Variants in GGTA1 observed in about 807,000 individuals in gnomAD.
GGTA1 encodes inactive N-acetyllactosaminide alpha-1,3-galactosyltransferase.
A neutral mutation model predicts 2.6 loss-of-function variants in GGTA1; 5 were observed. The ratio of observed to expected loss-of-function variants is 1.92; its 90% confidence interval spans 1.00 to 4.04. The LOEUF is 4.04. Among genes scored for constraint, GGTA1 ranks in the 30% most tolerant of loss-of-function variants. GGTA1 has a pLI of 0.00. For missense variants in GGTA1, 50 were observed against 16.7 expected, an observed-to-expected ratio of 2.99 and a Z score of -3.47; for synonymous variants, 17 against 5.0, an observed-to-expected ratio of 3.38 and a Z score of -3.19.
At chr9:121,463,176 A>C (rs1589329438) in intron 3 of GGTA1, 117 bp downstream of exon 3, 1 of 424,880 alleles carries the variant, frequency 2.4e-6, no homozygotes, top group African/African-American at 2.1e-5. Context: ...CCACCCACCC[A>C]CCCCTCCGAC....
chr9:121,492,705 C>G (rs28478469), intron 1 of GGTA1, among the ~76,000 whole-genome samples: 1 of 151,480 alleles, frequency 6.6e-6, no homozygotes, highest in Non-Finnish European at 1.5e-5. Context: ...AACTCCCTAC[C>G]TCAGGTGATC....
intron 1 of GGTA1, among the ~76,000 whole-genome samples, chr9:121,498,747 G>A (rs372867441): frequency 1.3e-5 from 2 of 152,136 alleles, no homozygotes; most frequent in Non-Finnish European, 2.9e-5. Flanking sequence ...CTCGGGTCTC[G>A]GTTCCTTCCT....
chr9:121,453,029 G>A (rs2064886234), downstream of GGTA1, among the ~76,000 whole-genome samples: 1 of 152,212 alleles, frequency 6.6e-6, no homozygotes, highest in African/African-American at 2.4e-5. Context: ...CTTGATAAAG[G>A]CGGATGAGAG....
At chr9:121,485,465 G>A (rs1041394785) in intron 1 of GGTA1, among the ~76,000 whole-genome samples, 1 of 152,238 alleles carries the variant, frequency 6.6e-6, no homozygotes, top group Non-Finnish European at 1.5e-5. Flanking sequence ...GTTGTCACGT[G>A]TAAAGTGTCT....
At chr9:121,449,103 A>G (rs1452563261) in intron 7 of GGTA1, among the ~76,000 whole-genome samples, 1 of 152,236 alleles carries the variant, frequency 6.6e-6, no homozygotes, top group Non-Finnish European at 1.5e-5. Flanking sequence ...ACTTAGTAAC[A>G]TATCTTTTCA....
rs1314405203 is a variant in GGTA1, at chr9:121,468,256, G to A, written c.-9-325C>T. ...CATAGTTCACCTCCCACTTACGAGT[G>A]AGAACATGCGGTGTTTGGTTTTCTG... On this transcript the variant is annotated intron_variant, in intron 1 of 5. Transcript: ENST00000481799. 2.6e-5 allele frequency among the ~76,000 whole-genome samples: 4 copies of A among 152,150 alleles called. No individual in the cohort carries two copies. In the East Asian group the frequency reaches 7.7e-4, roughly 29 times the overall value.
chr9:121,471,285 GT>G (rs1828383708), intron 1 of GGTA1, among the ~76,000 whole-genome samples: 1 of 152,024 alleles, frequency 6.6e-6, no homozygotes, highest in Non-Finnish European at 1.5e-5. Flanking sequence ...TGCTGTACAT[GT>G]TGTTTTTGGA....
chr9:121,461,824 T>A (rs1016794669), intron 3 of GGTA1, among the ~76,000 whole-genome samples: 2 of 152,208 alleles, frequency 1.3e-5, no homozygotes. Context: ...GAAAAACCGA[T>A]GCATGTTTCC....
chr9:121,451,156 ATCTTTAAT>A (rs1564649441), downstream of GGTA1, among the ~76,000 whole-genome samples: 1 of 152,174 alleles, frequency 6.6e-6, no homozygotes, highest in Non-Finnish European at 1.5e-5. Context: ...AAAATGGATT[ATCTTTAAT>A]AACTAACATT....
chr9:121,457,907 G>T (rs80090141), intron 5 of GGTA1, among the ~76,000 whole-genome samples: 2 of 33,274 alleles, frequency 6.0e-5, no homozygotes, highest in Admixed American at 3.1e-4. Context: ...TACAGAAAAG[G>T]ATACTTTTTT....
At position 121,476,675 on chromosome 9, in the gene GGTA1, T is replaced by C. The variant is rs1324352082; in HGVS notation, c.-9-8744A>G. On this transcript the variant is annotated intron_variant, in intron 1 of 5. Coordinates refer to ENST00000481799, the MANE Select transcript of GGTA1 (RefSeq NM_001382585.1). This position sits in a 1 kb window ranked among gnomAD's most constrained non-coding sequence, Gnocchi z 4.6. ...CTTCTCAGCCTTTTGGCTCAGATCA[T>C]GCATAGGAACCACCAACCAATATGC... is the stretch of plus-strand genomic sequence containing the variant. Among the ~76,000 whole-genome samples, 1 of 152,194 alleles carries C rather than the reference T, an allele frequency of 6.6e-6. No homozygotes were observed. Among genetic ancestry groups the C allele is most frequent in the African/African-American group, 2.4e-5 (1 of 41,448 alleles).
At chr9:121,472,407 G>GA (rs569443612) in intron 1 of GGTA1, among the ~76,000 whole-genome samples, 19 of 148,292 alleles carry the variant, frequency 1.3e-4, no homozygotes, top group South Asian at 2.1e-4. Flanking sequence ...AAATGCAGAA[G>GA]AAAAAAAAAA....
chr9:121,487,264 C>T (rs1252367827), intron 1 of GGTA1, among the ~76,000 whole-genome samples: 2 of 152,106 alleles, frequency 1.3e-5, no homozygotes, highest in Non-Finnish European at 2.9e-5. Context: ...CCCACCTCTG[C>T]CCCTGAGCCT....
chr9:121,498,489 G>A (rs1156952695), intron 1 of GGTA1, among the ~76,000 whole-genome samples: 2 of 152,214 alleles, frequency 1.3e-5, no homozygotes, highest in African/African-American at 4.8e-5. Flanking sequence ...CCTTCGCCAT[G>A]CACTTGCATT....
At position 121,496,665 on chromosome 9, in the gene GGTA1, A is replaced by G. The variant is rs146411441; in HGVS notation, c.-10+2985T>C. 7.5e-3 allele frequency among the ~76,000 whole-genome samples: 1,068 copies of G among 143,254 alleles called. 17 individuals carry two copies. Among genetic ancestry groups the G allele is most frequent in the African/African-American group, 0.027 (1,016 of 37,642 alleles). The allele number at this position is 143,254 out of a possible 152,430, so 94.0% of individuals were successfully genotyped here. A position where few individuals can be genotyped will look rare whatever the true frequency, so the allele number is the denominator to read the frequency against. On this transcript the variant is annotated intron_variant, in intron 1 of 5. Transcript: ENST00000481799. ...GAGAATCGCTTGAACCCGGGAGGCAAAGGTTGCAGTGAGCCAAGATCATGC... is the reference window on the plus strand; with the variant it reads ...GAGAATCGCTTGAACCCGGGAGGCAGAGGTTGCAGTGAGCCAAGATCATGC...
intron 1 of GGTA1, among the ~76,000 whole-genome samples, chr9:121,491,298 G>A (rs1589338910): frequency 6.6e-6 from 1 of 152,298 alleles, no homozygotes; most frequent in Middle Eastern, 3.4e-3. Flanking sequence ...AGAAGGTCAG[G>A]CAGCTGCTTC....
chr9:121,461,562 G>C (rs2118672116), intron 3 of GGTA1, among the ~76,000 whole-genome samples: 1 of 152,318 alleles, frequency 6.6e-6, no homozygotes, highest in South Asian at 2.1e-4. Flanking sequence ...CCTAGAGGAA[G>C]AGAAGGGAAA....
chr9:121,466,902 G>A (rs1161710196), intron 2 of GGTA1, among the ~76,000 whole-genome samples: 1 of 149,670 alleles, frequency 6.7e-6, no homozygotes, highest in Non-Finnish European at 1.5e-5. Flanking sequence ...GCAGTGAGTC[G>A]AGATCATGCC....
At chr9:121,480,669 G>T (rs1024975334) in intron 1 of GGTA1, among the ~76,000 whole-genome samples, 27 of 152,080 alleles carry the variant, frequency 1.8e-4, no homozygotes, top group African/African-American at 6.5e-4. Context: ...CACAGCTTCC[G>T]CCTCTTAAGG....
Sources: allele counts gnomAD v4.1 joint callset (sites outside exome capture counted in the v4.1 genomes callset), GRCh38; gene constraint gnomAD v4.1.1; non-coding constraint Gnocchi (gnomAD v3.1); transcripts MANE v1.5; gene names NCBI Gene and HGNC (gene_info 2026-07-23, HGNC 2026-07-21).